Variants in SLC37A3 observed in about 807,000 individuals in gnomAD.
SLC37A3 encodes the protein sugar phosphate exchanger 3.
A neutral mutation model predicts 67.1 loss-of-function variants in SLC37A3; 51 were observed. The observed-to-expected ratio is 0.76, with a 90% confidence interval of 0.61 to 0.96. SLC37A3 has a LOEUF of 0.96. Among genes scored for constraint, SLC37A3 ranks in the 40% least tolerant of loss-of-function variants. SLC37A3 has a pLI of 0.00. For missense variants in SLC37A3, 508 were observed against 603.0 expected, an observed-to-expected ratio of 0.84 and a Z score of 1.65; for synonymous variants, 214 against 231.4, an observed-to-expected ratio of 0.92 and a Z score of 0.68.
intron 3 of SLC37A3, among the ~76,000 whole-genome samples, chr7:140,371,542 G>A (rs1797822248): frequency 6.6e-6 from 1 of 152,142 alleles, no homozygotes; most frequent in South Asian, 2.1e-4. Flanking sequence ...CTTCAGCTGT[G>A]TTTAAATCCA....
intron 5 of SLC37A3, among the ~76,000 whole-genome samples, chr7:140,364,004 C>G (rs6943032): frequency 0.1 from 15,407 of 152,186 alleles, 851 homozygotes; most frequent in South Asian, 0.19. Context: ...TGCCTGTAAT[C>G]CCAGCACTTT....
intron 5 of SLC37A3, among the ~76,000 whole-genome samples, chr7:140,362,271 G>A (rs1469832569): frequency 7.1e-6 from 1 of 140,814 alleles, no homozygotes; most frequent in Non-Finnish European, 1.6e-5. Flanking sequence ...GAGCGTCTCT[G>A]CCCGGCCGCC....
chr7:140,352,285 C>T lies in SLC37A3; in HGVS notation c.619-139G>A, dbSNP rs1796846740. On this transcript the variant is annotated intron_variant, in intron 7 of 14. Coordinates refer to ENST00000326232, the MANE Select transcript of SLC37A3 (RefSeq NM_207113.3). ...CCGGGAAGCAAGGGAGCACCCAGAG[C>T]TTCTACTGGGCCGGGCGCCATGCAA... The T allele has an allele frequency of 8.4e-6, 6 of 710,614 alleles. No homozygotes were observed. The East Asian group carries it at 1.1e-4, about 13-fold the overall frequency. 44.0% of individuals were successfully genotyped at this position (710,614 alleles called of 1,614,324 possible). A position where few individuals can be genotyped will look rare whatever the true frequency, so the allele number is the denominator to read the frequency against.
At chr7:140,335,545 A>C in intron 14 of SLC37A3, 41 bp from the exon 15 acceptor site, 1 of 1,600,490 alleles carries the variant, frequency 6.2e-7, no homozygotes, top group Non-Finnish European at 8.5e-7. Flanking sequence ...GCAACAGTTT[A>C]CTTCTGTTAG....
chr7:140,355,832 C>T, intron 6 of SLC37A3, 68 bp from the exon 7 acceptor site: 1 of 1,285,330 alleles, frequency 7.8e-7, no homozygotes, highest in Non-Finnish European at 1.1e-6. Flanking sequence ...GTTCAAAATA[C>T]AAAACAGCCA....
At chr7:140,387,630 T>TATATAAATATAAATATATATATTATATAA (rs1798507363) in intron 1 of SLC37A3, among the ~76,000 whole-genome samples, 2 of 119,834 alleles carry the variant, frequency 1.7e-5, no homozygotes, top group Non-Finnish European at 3.3e-5. Flanking sequence ...ATATATATAT[T>TATATAAATATAAATATATATATTATATAA]ATATAAATAT....
intron 4 of SLC37A3, 131 bp from the exon 5 acceptor site, chr7:140,364,622 C>T (rs760061568): frequency 2.0e-5 from 16 of 792,012 alleles, no homozygotes; most frequent in Admixed American, 2.7e-5. Context: ...GCCGAGGCTA[C>T]CTGTCTACAG....
intron 4 of SLC37A3, 41 bp from the exon 5 acceptor site, chr7:140,364,532 C>T (rs1474261824): frequency 6.3e-7 from 1 of 1,579,988 alleles, no homozygotes; most frequent in Admixed American, 1.7e-5. Context: ...TAAATAATAA[C>T]ACAGTATGAA....
At chr7:140,373,789 C>T (rs534116849) in intron 3 of SLC37A3, among the ~76,000 whole-genome samples, 1 of 151,632 alleles carries the variant, frequency 6.6e-6, no homozygotes, top group African/African-American at 2.4e-5. Flanking sequence ...TACAGACACA[C>T]TCCACCATGC....
At chr7:140,350,878 G>A (rs1796765760) in intron 9 of SLC37A3, among the ~76,000 whole-genome samples, 1 of 152,016 alleles carries the variant, frequency 6.6e-6, no homozygotes, top group Admixed American at 6.6e-5. Flanking sequence ...AGGCCCAAAA[G>A]CACACATTAA....
rs772217351 is a variant in SLC37A3, at chr7:140,335,249, G to T, written c.*163C>A. The T allele has an allele frequency of 8.7e-6, 14 of 1,613,912 alleles. No individual in the cohort carries two copies. The highest frequency in any genetic ancestry group is 1.2e-5 in the Non-Finnish European group (14 of 1,179,836). The stretch of plus-strand genomic sequence containing the variant: ...TCCTGTAGTGTAGAAAACTAGTGCA[G>T]CCTTCACTGCTGGTCAGCATCTCAG... On this transcript the variant is annotated 3_prime_UTR_variant, in exon 15 of 15. Coordinates refer to ENST00000326232, the MANE Select transcript of SLC37A3 (RefSeq NM_207113.3).
At chr7:140,342,113 G>A (rs1249914148) in intron 13 of SLC37A3, among the ~76,000 whole-genome samples, 2 of 152,126 alleles carry the variant, frequency 1.3e-5, no homozygotes, top group Non-Finnish European at 1.5e-5. Context: ...AAAATGCTGC[G>A]CTCAGGAAGC....
Position 140,334,093 on chromosome 7 carries a change from G to A in SLC37A3, c.*1319C>T, listed in dbSNP as rs761485939. 6.6e-6 allele frequency: 1 copy of A among 152,024 alleles called. No individual in the cohort carries two copies. The highest frequency in any genetic ancestry group is 1.5e-5 in the Non-Finnish European group (1 of 68,002). The allele number at this position is 152,024 out of a possible 1,614,324, so 9.4% of individuals were successfully genotyped here. On this transcript the variant is annotated 3_prime_UTR_variant, in exon 15 of 15. Transcript: ENST00000326232. ...TTTCTAAAGAACGGACACCCCTCAG[G>A]CCCTAGTAATCCATTCATGTGATTC...
At position 140,334,000 on chromosome 7, in the gene SLC37A3, A is replaced by C. The variant is rs1796041222; in HGVS notation, c.*1412T>G. The C allele has an allele frequency of 6.6e-6, 1 of 152,480 alleles. No individual in the cohort carries two copies. The highest frequency in any genetic ancestry group is 2.1e-4 in the South Asian group (1 of 4,834). The allele number at this position is 152,480 out of a possible 1,614,324, so 9.4% of individuals were successfully genotyped here. A position where few individuals can be genotyped will look rare whatever the true frequency, so the allele number is the denominator to read the frequency against. On this transcript the variant is annotated 3_prime_UTR_variant, in exon 15 of 15. Coordinates refer to ENST00000326232, the MANE Select transcript of SLC37A3 (RefSeq NM_207113.3). Reference sequence around the variant, plus strand: ...TGCATAATTTAAAATATGTATATACAGAATGATCTTAAAATATTGATAACT... The same window carrying C: ...TGCATAATTTAAAATATGTATATACCGAATGATCTTAAAATATTGATAACT...
intron 3 of SLC37A3, among the ~76,000 whole-genome samples, chr7:140,374,554 A>AG (rs1397185880): frequency 6.6e-6 from 1 of 151,686 alleles, no homozygotes; most frequent in African/African-American, 2.4e-5. Context: ...CGGGTGCGGT[A>AG]GCTCATGCTT....
chr7:140,352,695 C>A (rs750561445), intron 7 of SLC37A3, among the ~76,000 whole-genome samples: 7 of 151,972 alleles, frequency 4.6e-5, no homozygotes, highest in Non-Finnish European at 7.4e-5. Context: ...TCCAGGCACA[C>A]GGTAAGCAAA....
In SLC37A3 at chr7:140,358,632, T is replaced by G; in HGVS notation, c.521+8A>C. ...ACAGAGAAATTAGAGAGGAAGGAAG[T>G]GGCATACCCGGCTTTCCCAAACCAG... On this transcript the variant is annotated splice_region_variant and intron_variant, in intron 6 of 14. Coordinates refer to ENST00000326232, the MANE Select transcript of SLC37A3 (RefSeq NM_207113.3). 6.2e-7 allele frequency: 1 copy of G among 1,613,456 alleles called. No homozygotes were observed. Among genetic ancestry groups the G allele is most frequent in the Non-Finnish European group, 8.5e-7 (1 of 1,179,522 alleles).
chr7:140,362,423 G>T lies in SLC37A3; in HGVS notation c.375+1985C>A, dbSNP rs1210425317. On this transcript the variant is annotated intron_variant, in intron 5 of 14. Transcript: ENST00000326232. Reference sequence around the variant, plus strand: ...CGCCCCGTCCGGGAGGGAGGTGGGGGGGGGGGTCAGCCCCCCGCCCGGCCA... The same window carrying T: ...CGCCCCGTCCGGGAGGGAGGTGGGGTGGGGGGTCAGCCCCCCGCCCGGCCA... 2.6e-4 allele frequency among the ~76,000 whole-genome samples: 38 copies of T among 146,356 alleles called. 2 individuals are homozygous for T. The highest frequency in any genetic ancestry group is 9.3e-4 in the African/African-American group (37 of 39,782).
rs765844637 is a variant in SLC37A3, at chr7:140,335,482, A to G, written c.1415T>C (p.Ile472Thr). 5.6e-6 allele frequency: 9 copies of G among 1,614,032 alleles called. No homozygotes were observed. In the South Asian group the frequency reaches 9.9e-5, roughly 18 times the overall value. ...ILMTSCTIVF[I>T]SPLIVREIFS... ...TATTTCCCTCACTATTAATGGCGAG[A>G]TAAACACAATTGTACAACTTGTCTG... is the stretch of plus-strand genomic sequence containing the variant. The change falls in exon 15 of 15, where the codon ATC (isoleucine) becomes ACC (threonine). Residue 472 changes from isoleucine to threonine, a missense_variant. By Grantham distance (89) the Ile-to-Thr change is moderately conservative. Transcript: ENST00000326232.
Sources: gnomAD v4.1 joint callset for allele counts (sites outside exome capture counted in the v4.1 genomes callset) on GRCh38, gnomAD v4.1.1 for gene constraint, MANE v1.5 for transcripts, NCBI Gene and HGNC (gene_info 2026-07-23, HGNC 2026-07-21) for gene names.